The following RHCE variants were observed in gnomAD, a reference collection of about 807,000 sequenced individuals.
The protein encoded by RHCE is Rh blood group CcEe antigens, also known as blood group Rh(CE) polypeptide.
A neutral mutation model predicts 43.8 loss-of-function variants in RHCE; 22 were observed. The observed-to-expected ratio is 0.50, with a 90% CI of 0.36 to 0.72. RHCE has a LOEUF of 0.72. Among genes scored for constraint, RHCE ranks in the 30% least tolerant of loss-of-function variants. RHCE has a pLI of 0.00. For missense variants in RHCE, 385 were observed against 525.4 expected (o/e 0.73, Z 2.61); for synonymous variants, 156 against 210.7 (o/e 0.74, Z 2.25).
chr1:25,411,430 T>C (rs904181896), intron 1 of RHCE: 17 of 1,550,156 alleles, frequency 1.1e-5, no homozygotes, highest in South Asian at 3.6e-5. Context: ...CTTTGATTTA[T>C]AAAGTACATT....
intron 3 of RHCE, among the ~76,000 whole-genome samples, chr1:25,396,332 T>C (rs1009236955): frequency 6.6e-6 from 1 of 152,352 alleles, no homozygotes. Context: ...AAGGATATTA[T>C]TGAAAAAATT....
intron 7 of RHCE, among the ~76,000 whole-genome samples, chr1:25,378,933 C>T (rs149152056): frequency 0.018 from 2,719 of 152,226 alleles, 45 homozygotes; most frequent in South Asian, 0.046. Context: ...TACAGCAATG[C>T]TTAACAACCT....
intron 3 of RHCE, among the ~76,000 whole-genome samples, chr1:25,401,377 TTTC>T (rs1278263192): frequency 2.0e-5 from 3 of 152,140 alleles, no homozygotes; most frequent in Non-Finnish European, 4.4e-5. Context: ...TCCAGTGCAC[TTTC>T]TTCTAAGCCA....
chr1:25,397,918 C>T (rs967468636), intron 3 of RHCE, among the ~76,000 whole-genome samples: 1 of 143,168 alleles, frequency 7.0e-6, no homozygotes. Context: ...CTCCAATCAA[C>T]GCAGCCTGAG....
At chr1:25,402,523 A>G in intron 3 of RHCE, 73 bp downstream of exon 3, 1 of 1,612,594 alleles carries the variant, frequency 6.2e-7, no homozygotes, top group Middle Eastern at 1.7e-4. Context: ...ATTTTTCAAA[A>G]CCCCGGAAGC....
intron 1 of RHCE, among the ~76,000 whole-genome samples, chr1:25,415,513 G>A (rs1290579000): frequency 6.7e-4 from 102 of 152,186 alleles, no homozygotes; most frequent in Admixed American, 1.7e-3. Flanking sequence ...TTAGCCGGGC[G>A]TGGTGGCGCA....
intron 1 of RHCE, among the ~76,000 whole-genome samples, chr1:25,410,244 G>A: frequency 6.6e-6 from 1 of 152,110 alleles, no homozygotes; most frequent in South Asian, 2.1e-4. Context: ...CTGTGCCTTG[G>A]ACTACCACAC....
chr1:25,421,779 A>G (rs112532987), upstream of RHCE, among the ~76,000 whole-genome samples: 2 of 152,218 alleles, frequency 1.3e-5, no homozygotes, highest in African/African-American at 4.8e-5. Flanking sequence ...GGAGGGAGGA[A>G]GGGATGAAAG....
chr1:25,427,101 G>C (rs1315065022), intron 2 of RHCE, among the ~76,000 whole-genome samples: 1 of 152,084 alleles, frequency 6.6e-6, no homozygotes, highest in Non-Finnish European at 1.5e-5. Context: ...AGGTACATGT[G>C]TTAAGAGGTG....
chr1:25,397,090 T>G, intron 3 of RHCE, among the ~76,000 whole-genome samples: 1 of 114,710 alleles, frequency 8.7e-6, no homozygotes, highest in Admixed American at 1.1e-4. Context: ...CCAGCCTGGG[T>G]GATGGAGCAA....
chr1:25,387,826 C>CT (rs869107641), intron 6 of RHCE, among the ~76,000 whole-genome samples: 90 of 146,238 alleles, frequency 6.2e-4, no homozygotes, highest in African/African-American at 9.9e-4. Context: ...ATATAAAACA[C>CT]TTTTTTTTTT....
rs779746350 is a variant in RHCE at position 25,370,455 on chromosome 1, G to A, written c.1227+12C>T. The A allele has an allele frequency of 3.1e-6, 5 of 1,605,570 alleles. No individual in the cohort carries two copies. Among genetic ancestry groups the A allele is most frequent in the Non-Finnish European group, 4.3e-6 (5 of 1,173,266 alleles). On this transcript the variant is annotated intron_variant, in intron 9 of 9. Coordinates refer to ENST00000294413, the MANE Select transcript of RHCE (RefSeq NM_020485.8). ...CTCAAAATCTATCACGTTAATAGGT[G>A]AAAAATCTTACCTTCCAGAAAACTT...
At chr1:25,398,966 T>C in intron 3 of RHCE, 2 of 1,135,766 alleles carry the variant, frequency 1.8e-6, no homozygotes, top group East Asian at 4.7e-5. Context: ...TGCTTCCGGC[T>C]GCTTATTTGA....
chr1:25,380,405 G>T (rs1645957154), intron 7 of RHCE, among the ~76,000 whole-genome samples: 1 of 149,568 alleles, frequency 6.7e-6, no homozygotes, highest in Non-Finnish European at 1.5e-5. Context: ...GGAGTCTCAT[G>T]CCTGCAGTTC....
intron 3 of RHCE, 131 bp downstream of exon 3, chr1:25,402,465 A>G: frequency 7.8e-7 from 1 of 1,287,528 alleles, no homozygotes; most frequent in Non-Finnish European, 1.1e-6. Flanking sequence ...GCCTCAAGTG[A>G]TCTTCCCTCC....
At position 25,388,958 on chromosome 1, in the gene RHCE, A is replaced by G; in HGVS notation, c.939+18T>C. ...GCCTTCAGCCAAAGCAGAGAGCATT[A>G]GTTGTCTAGTTTCTTACCGGCAGGC... On this transcript the variant is annotated intron_variant, in intron 6 of 9. Transcript: ENST00000294413. 1 of 1,614,224 alleles carries G rather than the reference A, an allele frequency of 6.2e-7. No homozygotes were observed. The highest frequency in any genetic ancestry group is 8.5e-7 in the Non-Finnish European group (1 of 1,180,044).
In RHCE at chr1:25,420,790, G is replaced by A. The variant is rs776849504; in HGVS notation, c.-4C>T. 2.8e-5 allele frequency: 45 copies of A among 1,608,164 alleles called. No individual in the cohort carries two copies. The highest frequency in any genetic ancestry group is 2.6e-4 in the South Asian group (24 of 90,758). Reference sequence around the variant, plus strand: ...ACCGCGGGTACTTAGAGCTCATCCTGTGTCCGTCTCTGTGCAGGGGTTCCA... The same window carrying A: ...ACCGCGGGTACTTAGAGCTCATCCTATGTCCGTCTCTGTGCAGGGGTTCCA... On this transcript the variant is annotated 5_prime_UTR_variant, in exon 1 of 10. Transcript: ENST00000294413.
rs754302538 is a variant in RHCE at position 25,389,080 on chromosome 1, C to A, written c.835G>T (p.Val279Leu). The change falls in exon 6 of 10, where the codon GTG becomes TTG. Residue 279 changes from valine (V) to leucine (L), a missense_variant. By Grantham distance (32) the Val-to-Leu change is conservative. This residue lies in a region of RHCE where 56 missense variants were observed against 90.0 expected (regional missense o/e 0.62). Transcript: ENST00000294413. ...YVHSAVLAGGVAVGTSCHLIP... is the reference protein window; with the variant it reads ...YVHSAVLAGGLAVGTSCHLIP... Reference sequence around the variant, plus strand: ...AGGTGACACGAGGTACCCACAGCCACGCCTCCTGCCAACACCGCACTGTGC... The same window carrying A: ...AGGTGACACGAGGTACCCACAGCCAAGCCTCCTGCCAACACCGCACTGTGC... The A allele has an allele frequency of 1.2e-6, 2 of 1,614,156 alleles. No homozygotes were observed. Among genetic ancestry groups the A allele is most frequent in the Non-Finnish European group, 1.7e-6 (2 of 1,179,988 alleles).
intron 1 of RHCE, among the ~76,000 whole-genome samples, chr1:25,429,404 C>T (rs1187053635): frequency 6.6e-6 from 1 of 152,022 alleles, no homozygotes; most frequent in Non-Finnish European, 1.5e-5. Context: ...CTACCCGCCT[C>T]GGCCTCCCAA....
Sources: allele counts gnomAD v4.1 joint callset (sites outside exome capture counted in the v4.1 genomes callset), GRCh38; gene constraint gnomAD v4.1.1; regional missense constraint gnomAD v4.1.1; transcripts MANE v1.5; gene names NCBI Gene and HGNC (gene_info 2026-07-23, HGNC 2026-07-21).